WDR27: variants seen among roughly 807,000 people sequenced by gnomAD.
The protein encoded by WDR27 is WD repeat-containing protein 27.
WDR27 carries 100 observed loss-of-function variants against 114.4 expected under a neutral mutation model. The ratio of observed to expected loss-of-function variants is 0.87; its 90% CI spans 0.74 to 1.03. The LOEUF (loss-of-function observed/expected upper bound fraction) is 1.03, where lower values mean the gene tolerates loss of function less well. Among genes scored for constraint, WDR27 ranks in the 50% least tolerant of loss-of-function variants. The pLI is 0.00. For missense variants in WDR27, 1,129 were observed against 1,092.9 expected (o/e 1.03, Z -0.47); for synonymous variants, 449 against 423.1 (o/e 1.06, Z -0.75).
chr6:169,458,529 G>T (rs545772742), intron 25 of WDR27, among the ~76,000 whole-genome samples: 13 of 152,222 alleles, frequency 8.5e-5, no homozygotes, highest in African/African-American at 3.1e-4. Context: ...ATGTACTTGG[G>T]AAAAATTAGA....
chr6:169,525,435 C>T (rs1022978616), intron 25 of WDR27, among the ~76,000 whole-genome samples: 1 of 150,166 alleles, frequency 6.7e-6, no homozygotes, highest in Non-Finnish European at 1.5e-5. Context: ...ACTCGGGAGG[C>T]TGAGGCAGGA....
At chr6:169,471,978 T>C (rs1376794282) in intron 25 of WDR27, among the ~76,000 whole-genome samples, 1 of 152,144 alleles carries the variant, frequency 6.6e-6, no homozygotes, top group Admixed American at 6.5e-5. Flanking sequence ...TTATTCCCAC[T>C]CATGAGGGTG....
chr6:169,518,764 A>T (rs540114753), intron 25 of WDR27, among the ~76,000 whole-genome samples: 2 of 152,312 alleles, frequency 1.3e-5, no homozygotes, highest in Admixed American at 1.3e-4. Flanking sequence ...CCTCCCCTGA[A>T]AATGCTTTTT....
At chr6:169,582,332 C>G (rs1363094633) in intron 24 of WDR27, among the ~76,000 whole-genome samples, 1 of 152,154 alleles carries the variant, frequency 6.6e-6, no homozygotes, top group Non-Finnish European at 1.5e-5. Context: ...TAATAGAAGA[C>G]CATTCATTTT....
At chr6:169,662,729 C>T (rs1268147943) in intron 8 of WDR27, among the ~76,000 whole-genome samples, 3 of 128,242 alleles carry the variant, frequency 2.3e-5, no homozygotes, top group African/African-American at 6.2e-5. Context: ...GTGTGCACCG[C>T]GGAGTACTCA....
intron 22 of WDR27, among the ~76,000 whole-genome samples, chr6:169,602,797 G>C (rs901188944): frequency 6.6e-6 from 1 of 151,200 alleles, no homozygotes; most frequent in South Asian, 2.1e-4. Context: ...TGTTAATCAT[G>C]TCCTATGTAG....
intron 23 of WDR27, among the ~76,000 whole-genome samples, chr6:169,595,679 T>A (rs79353361): frequency 1.3e-5 from 2 of 152,176 alleles, no homozygotes; most frequent in African/African-American, 4.8e-5. Flanking sequence ...CAAAGTATTC[T>A]GGTACCTTCA....
Sources: allele counts gnomAD v4.1 joint callset (sites outside exome capture counted in the v4.1 genomes callset), GRCh38; gene constraint gnomAD v4.1.1; transcripts MANE v1.5; gene names NCBI Gene and HGNC (gene_info 2026-07-23, HGNC 2026-07-21).